Variants in SPAG16 observed in about 807,000 individuals in gnomAD.
The protein encoded by SPAG16 is sperm-associated antigen 16 protein.
In SPAG16, 86 loss-of-function variants were observed where a neutral mutation model predicts 80.4. The observed-to-expected ratio is 1.07, with a 90% CI of 0.90 to 1.28. SPAG16 has a LOEUF of 1.28. Ranked by LOEUF, SPAG16 falls within the 50% of genes most tolerant of loss-of-function variation. The probability of loss-of-function intolerance (pLI) is 0.00; values close to 1 mark genes in which losing one functional copy is unlikely to be tolerated. For synonymous variants in SPAG16, 294 were observed against 265.9 expected (o/e 1.11, Z -1.03); for missense variants, 870 against 765.3 (o/e 1.14, Z -1.61).
At chr2:214,349,589 T>C (rs1698271847) in intron 15 of SPAG16, among the ~76,000 whole-genome samples, 1 of 152,224 alleles carries the variant, frequency 6.6e-6, no homozygotes, top group Non-Finnish European at 1.5e-5. Context: ...TTCATTGGTA[T>C]AAATGCATGG....
At chr2:214,388,066 T>TTAATG (rs1163983052) in intron 15 of SPAG16, among the ~76,000 whole-genome samples, 4 of 152,172 alleles carry the variant, frequency 2.6e-5, no homozygotes, top group Non-Finnish European at 5.9e-5. Flanking sequence ...TACATATTTT[T>TTAATG]TAATGTATTT....
At chr2:213,981,919 T>C (rs2045766891) in intron 12 of SPAG16, among the ~76,000 whole-genome samples, 1 of 151,888 alleles carries the variant, frequency 6.6e-6, no homozygotes, top group East Asian at 1.9e-4. Context: ...TAGTTTCTGA[T>C]TTTTTTACAT....
chr2:213,856,716 CT>C (rs1273940885), intron 10 of SPAG16, among the ~76,000 whole-genome samples: 1 of 152,206 alleles, frequency 6.6e-6, no homozygotes, highest in Non-Finnish European at 1.5e-5. Context: ...ATGTTTGCCC[CT>C]GTTAGTCATT....
chr2:213,642,820 C>CAAAAAAAAAAAA lies in SPAG16; in HGVS notation c.1070+152748_1070+152759dup, dbSNP rs766759239. Reference sequence around the variant, plus strand: ...TGGGCGACAGAGCGAGACTCTGTCTCAAAAAAAAAAAAAAAAAAAAAAAAA... The same window carrying CAAAAAAAAAAAA: ...TGGGCGACAGAGCGAGACTCTGTCTCAAAAAAAAAAAAAAAAAAAAAAAAAAAAAAAAAAAAA... On this transcript the variant is annotated intron_variant, in intron 10 of 15. Coordinates refer to ENST00000331683, the MANE Select transcript of SPAG16 (RefSeq NM_024532.5). 7.0e-3 allele frequency among the ~76,000 whole-genome samples: 8 copies of CAAAAAAAAAAAA among 1,136 alleles called. 4 individuals are homozygous for CAAAAAAAAAAAA. Among genetic ancestry groups the CAAAAAAAAAAAA allele is most frequent in the African/African-American group, 0.048 (6 of 124 alleles). The allele number at this position is 1,136 out of a possible 152,430, so 0.7% of individuals were successfully genotyped here.
intron 13 of SPAG16, 26 bp from the exon 14 acceptor site, chr2:214,108,170 A>T (rs1297666727): frequency 6.6e-7 from 1 of 1,519,238 alleles, no homozygotes; most frequent in African/African-American, 1.4e-5. Flanking sequence ...AATTTATTTG[A>T]CTCTGTTTCT....
chr2:213,932,382 ATTTTTGTATT>A (rs1271862230), intron 12 of SPAG16, among the ~76,000 whole-genome samples: 3 of 151,286 alleles, frequency 2.0e-5, no homozygotes, highest in Non-Finnish European at 4.4e-5. Context: ...CACCTGGCTA[ATTTTTGTATT>A]TTTAGTAGAG....
chr2:214,056,773 T>C (rs2049967420), intron 13 of SPAG16, among the ~76,000 whole-genome samples: 1 of 152,196 alleles, frequency 6.6e-6, no homozygotes, highest in Admixed American at 6.6e-5. Flanking sequence ...CAGTAGAAAT[T>C]CTTTAAAAAT....
chr2:214,079,435 TA>T (rs2051252427), intron 13 of SPAG16, among the ~76,000 whole-genome samples: 1 of 152,242 alleles, frequency 6.6e-6, no homozygotes, highest in Non-Finnish European at 1.5e-5. Flanking sequence ...TCATGATATT[TA>T]AAAAGCTAAA....
chr2:213,514,842 G>A (rs1186297410), intron 10 of SPAG16, among the ~76,000 whole-genome samples: 1 of 149,932 alleles, frequency 6.7e-6, no homozygotes, highest in Admixed American at 6.6e-5. Flanking sequence ...TTCCTAAAAT[G>A]GAATCCTATT....
intron 9 of SPAG16, among the ~76,000 whole-genome samples, chr2:213,428,920 T>C (rs1168654153): frequency 4.6e-5 from 7 of 151,884 alleles, no homozygotes; most frequent in African/African-American, 1.7e-4. Flanking sequence ...TGAAGCCCTG[T>C]CTCTACTAAA....
chr2:213,686,017 A>G (rs914035956), intron 10 of SPAG16, among the ~76,000 whole-genome samples: 1 of 152,218 alleles, frequency 6.6e-6, no homozygotes, highest in East Asian at 1.9e-4. Flanking sequence ...TATAATTATA[A>G]AGGTATCATA....
chr2:214,357,142 C>T (rs1008668105), intron 15 of SPAG16, among the ~76,000 whole-genome samples: 2 of 151,838 alleles, frequency 1.3e-5, no homozygotes, highest in African/African-American at 4.8e-5. Flanking sequence ...CCTGTCATTT[C>T]TTTGGCTACT....
At chr2:214,050,998 G>A (rs529761293) in intron 13 of SPAG16, among the ~76,000 whole-genome samples, 2 of 152,184 alleles carry the variant, frequency 1.3e-5, no homozygotes, top group African/African-American at 2.4e-5. Flanking sequence ...ACGTGGGGTT[G>A]CTTGTTTCCC....
At position 214,380,651 on chromosome 2, in the gene SPAG16, A is replaced by G. The variant is rs529925832; in HGVS notation, c.1721-29489A>G. Among the ~76,000 whole-genome samples the G allele has an allele frequency of 5.1e-4, 77 of 152,386 alleles. 4 individuals are homozygous for G. The South Asian group carries it at 0.014, about 28-fold the overall frequency. On this transcript the variant is annotated intron_variant, in intron 15 of 15. Coordinates refer to ENST00000331683, the MANE Select transcript of SPAG16 (RefSeq NM_024532.5). Reference sequence around the variant, plus strand: ...ACACATAAAGAACTTAAAACAGAGCATATCTTCAAAATGAGATGGCTCAGA... The same window carrying G: ...ACACATAAAGAACTTAAAACAGAGCGTATCTTCAAAATGAGATGGCTCAGA...
intron 10 of SPAG16, among the ~76,000 whole-genome samples, chr2:213,623,806 C>T (rs1163496033): frequency 6.6e-6 from 1 of 151,912 alleles, no homozygotes; most frequent in African/African-American, 2.4e-5. Flanking sequence ...AGAGTAAACA[C>T]CAATGAATCC....
At chr2:213,957,077 C>T (rs183058354) in intron 12 of SPAG16, among the ~76,000 whole-genome samples, 324 of 151,820 alleles carry the variant, frequency 2.1e-3, no homozygotes, top group Middle Eastern at 0.014. Flanking sequence ...ACCATGTCTA[C>T]TTAAGAAGAA....
intron 15 of SPAG16, among the ~76,000 whole-genome samples, chr2:214,378,309 A>C (rs1249730538): frequency 6.6e-6 from 1 of 152,194 alleles, no homozygotes; most frequent in Non-Finnish European, 1.5e-5. Context: ...ATGGCAGGAA[A>C]CTCAAACTGG....
chr2:213,792,727 G>T (rs1049887151), intron 10 of SPAG16, among the ~76,000 whole-genome samples: 17 of 150,296 alleles, frequency 1.1e-4, no homozygotes, highest in African/African-American at 2.9e-4. Context: ...GGAATTACAG[G>T]CATGAGCCAC....
intron 10 of SPAG16, among the ~76,000 whole-genome samples, chr2:213,764,973 C>A (rs578110194): frequency 3.6e-4 from 55 of 152,224 alleles, no homozygotes; most frequent in Non-Finnish European, 4.8e-4. Context: ...GCTCTTCTGT[C>A]ACATGAAATG....
Sources: allele counts gnomAD v4.1 joint callset (sites outside exome capture counted in the v4.1 genomes callset), GRCh38; gene constraint gnomAD v4.1.1; transcripts MANE v1.5; gene names NCBI Gene and HGNC (gene_info 2026-07-23, HGNC 2026-07-21).